The following VSIG10 variants were observed in gnomAD, a reference collection of about 807,000 sequenced individuals.
VSIG10 encodes V-set and immunoglobulin domain-containing protein 10.
In VSIG10, 48 loss-of-function variants were observed where a neutral mutation model predicts 58.7. The observed-to-expected ratio is 0.82, with a 90% CI of 0.65 to 1.04. The LOEUF (loss-of-function observed/expected upper bound fraction) is 1.04, where lower values mean the gene tolerates loss of function less well. Ranked by LOEUF, VSIG10 falls within the 50% of genes least tolerant of loss-of-function variation. The pLI is 0.00. For synonymous variants in VSIG10, 260 were observed against 267.1 expected, an observed-to-expected ratio of 0.97 and a Z score of 0.26; for missense variants, 628 against 670.0, an observed-to-expected ratio of 0.94 and a Z score of 0.69.
intron 1 of VSIG10, 109 bp from the exon 2 acceptor site, chr12:118,095,923 CTTT>C (rs1030344556): frequency 0.011 from 8,274 of 744,340 alleles, no homozygotes; most frequent in East Asian, 0.015. Context: ...GGTATATGTT[CTTT>C]TTTTTTTTTT....
intron 7 of VSIG10, among the ~76,000 whole-genome samples, chr12:118,069,705 G>A (rs1034164044): frequency 1.3e-5 from 2 of 152,018 alleles, no homozygotes; most frequent in African/African-American, 4.8e-5. Context: ...GGGATTACAG[G>A]CGTGAGCCAC....
intron 1 of VSIG10, chr12:118,103,266 A>T (rs533316178): frequency 3.9e-4 from 102 of 261,628 alleles, no homozygotes; most frequent in African/African-American, 2.0e-3. Context: ...TTTACATCCG[A>T]CGCTTAAAAA....
rs2032219335 is a variant in VSIG10, at chr12:118,065,597, G to C, written c.*1042C>G. 1 of 152,162 alleles carries C rather than the reference G, an allele frequency of 6.6e-6. No individual in the cohort carries two copies. Among genetic ancestry groups the C allele is most frequent in the African/African-American group, 2.4e-5 (1 of 41,432 alleles). 9.4% of individuals were successfully genotyped at this position (152,162 alleles called of 1,614,324 possible). On this transcript the variant is annotated 3_prime_UTR_variant, in exon 9 of 9. Coordinates refer to ENST00000359236, the MANE Select transcript of VSIG10 (RefSeq NM_019086.6). ...TTTTAGAGTCCCAGTTCTTAGAAAT[G>C]GAGAAAGGAAGTTCCCCTTTAAGCC...
chr12:118,074,172 T>C (rs962255525), intron 4 of VSIG10, among the ~76,000 whole-genome samples, 180 bp from the exon 5 acceptor site: 4 of 151,858 alleles, frequency 2.6e-5, no homozygotes, highest in African/African-American at 4.8e-5. Flanking sequence ...AACCTCTGCC[T>C]CCCTCCCGGG....
intron 2 of VSIG10, among the ~76,000 whole-genome samples, chr12:118,084,536 GC>G (rs1566168798): frequency 6.6e-6 from 1 of 152,104 alleles, no homozygotes; most frequent in African/African-American, 2.4e-5. Context: ...CACGCAAAGA[GC>G]CCATCCCAGA....
Position 118,071,466 on chromosome 12 carries a change from G to C in VSIG10, c.1223C>G (p.Pro408Arg). The C allele has an allele frequency of 1.9e-6, 3 of 1,613,654 alleles. No homozygotes were observed. The highest frequency in any genetic ancestry group is 1.3e-5 in the African/African-American group (1 of 75,006). Reference sequence around the variant, plus strand: ...TCCCACAATCCCCCCGATATTTAAAGGTTCTGTAAAGACAAATCACACCAT... The same window carrying C: ...TCCCACAATCCCCCCGATATTTAAACGTTCTGTAAAGACAAATCACACCAT... ...EMEIWLSVKE[P>R]LNIGGIVGTI... Residue 408 changes from proline to arginine, a missense_variant, in exon 6 of 9, where the codon CCT (proline) becomes CGT (arginine). Coordinates refer to ENST00000359236, the MANE Select transcript of VSIG10 (RefSeq NM_019086.6).
intron 2 of VSIG10, among the ~76,000 whole-genome samples, chr12:118,085,152 G>A (rs1032064570): frequency 6.6e-6 from 1 of 152,120 alleles, no homozygotes; most frequent in Non-Finnish European, 1.5e-5. Flanking sequence ...CTTTCCCTAG[G>A]GGCCTACACT....
intron 1 of VSIG10, chr12:118,103,003 G>C (rs1037343917): frequency 2.0e-5 from 3 of 152,166 alleles, no homozygotes; most frequent in African/African-American, 7.2e-5. Context: ...TGTCAATCAT[G>C]TCAAGTGTGA....
chr12:118,071,796 CAG>C (rs1442862318), intron 5 of VSIG10, among the ~76,000 whole-genome samples: 4 of 152,214 alleles, frequency 2.6e-5, no homozygotes, highest in South Asian at 4.1e-4. Flanking sequence ...CGGAACAGAA[CAG>C]AGAGTCCAGG....
chr12:118,084,536 G>A (rs976374595), intron 2 of VSIG10, among the ~76,000 whole-genome samples: 16 of 152,104 alleles, frequency 1.1e-4, no homozygotes, highest in African/African-American at 3.6e-4. Context: ...CACGCAAAGA[G>A]CCCATCCCAG....
chr12:118,079,333 A>C lies in VSIG10; in HGVS notation c.925+13T>G. 6.2e-7 allele frequency: 1 copy of C among 1,611,960 alleles called. No homozygotes were observed. The highest frequency in any genetic ancestry group is 8.5e-7 in the Non-Finnish European group (1 of 1,178,166). Reference sequence around the variant, plus strand: ...GGAAACTCCAACCCCAAGACAAAGCAAAACAGACTCACTGATCTGCACCAT... The same window carrying C: ...GGAAACTCCAACCCCAAGACAAAGCCAAACAGACTCACTGATCTGCACCAT... On this transcript the variant is annotated intron_variant, in intron 4 of 8. Transcript: ENST00000359236.
At chr12:118,082,050 G>A in intron 3 of VSIG10, 77 bp downstream of exon 3, 2 of 1,164,046 alleles carry the variant, frequency 1.7e-6, no homozygotes, top group African/African-American at 1.6e-5. Context: ...ACAAATGGGA[G>A]AGGCACAAAC....
intron 4 of VSIG10, 118 bp downstream of exon 4, chr12:118,079,228 G>A: frequency 7.3e-7 from 1 of 1,378,092 alleles, no homozygotes; most frequent in Non-Finnish European, 9.7e-7. Flanking sequence ...GAAAGGGAAG[G>A]AATTCAGTCC....
chr12:118,091,435 T>C (rs1016220827), intron 2 of VSIG10, among the ~76,000 whole-genome samples: 1 of 149,282 alleles, frequency 6.7e-6, no homozygotes, highest in East Asian at 2.0e-4. Context: ...GACCTTGCAG[T>C]GAGCTGAGAT....
Position 118,101,207 on chromosome 12 carries a change from G to A in VSIG10, c.79+2386C>T, listed in dbSNP as rs1246715870. Among the ~76,000 whole-genome samples, 3 of 152,320 alleles carry A rather than the reference G, an allele frequency of 2.0e-5. No homozygotes were observed. In the East Asian group the frequency reaches 5.8e-4, roughly 29 times the overall value. ...AGAGATGTGGCTGCCCTGTGGGCTG[G>A]GTTGAAGATGAGATTGAGTCCTGGT... On this transcript the variant is annotated intron_variant, in intron 1 of 8. Transcript: ENST00000359236.
chr12:118,103,463 CCTGGGGCAGCTTCTAGG>C (rs1203530796), intron 1 of VSIG10, 113 bp downstream of exon 1: 4 of 964,352 alleles, frequency 4.1e-6, no homozygotes, highest in Admixed American at 8.0e-5. Flanking sequence ...CCAAGACCCT[CCTGGGGCAGCTTCTAGG>C]CTGGGGCCAC....
chr12:118,098,575 AACTGGCAAGT>A (rs1285719364), intron 1 of VSIG10, among the ~76,000 whole-genome samples: 2 of 152,160 alleles, frequency 1.3e-5, no homozygotes, highest in African/African-American at 4.8e-5. Flanking sequence ...AGAGACAATA[AACTGGCAAGT>A]ACAATGCAGT....
At chr12:118,080,935 T>C (rs745609753) in intron 3 of VSIG10, among the ~76,000 whole-genome samples, 5 of 152,098 alleles carry the variant, frequency 3.3e-5, no homozygotes. Context: ...AATGGTTATC[T>C]GGGATAACAA....
At chr12:118,079,752 A>G (rs1223615757) in intron 3 of VSIG10, 146 bp from the exon 4 acceptor site, 8 of 1,156,784 alleles carry the variant, frequency 6.9e-6, no homozygotes, top group Non-Finnish European at 8.5e-6. Context: ...GCACAAATTC[A>G]TGCCTGACAA....
Sources: allele counts gnomAD v4.1 joint callset (sites outside exome capture counted in the v4.1 genomes callset), GRCh38; gene constraint gnomAD v4.1.1; transcripts MANE v1.5; gene names NCBI Gene and HGNC (gene_info 2026-07-23, HGNC 2026-07-21).